Variants in TRPV4 observed in about 807,000 individuals in gnomAD.
TRPV4 encodes the protein OSM9-like transient receptor potential channel 4.
A neutral mutation model predicts 84.1 loss-of-function variants in TRPV4; 58 were observed. That is an observed-to-expected ratio of 0.69 (90% CI 0.56 to 0.86). TRPV4 has a LOEUF of 0.86. TRPV4 is among the 40% of genes least tolerant of loss of function. TRPV4 has a pLI of 0.00. For synonymous variants in TRPV4, 489 were observed against 500.9 expected, an observed-to-expected ratio of 0.98 and a Z score of 0.32; for missense variants, 879 against 1,181.1, an observed-to-expected ratio of 0.74 and a Z score of 3.75.
chr12:109,802,838 G>GCATCCATCCATC (rs111807515), intron 4 of TRPV4, among the ~76,000 whole-genome samples, 153 bp downstream of exon 4: 3 of 151,202 alleles, frequency 2.0e-5, no homozygotes, highest in Admixed American at 6.6e-5. Flanking sequence ...ATGCATCCAT[G>GCATCCATCCATC]CATCCATCCA....
In TRPV4 at chr12:109,793,843, G is replaced by T; in HGVS notation, c.1584+87C>A. 1 of 1,053,470 alleles carries T rather than the reference G, an allele frequency of 9.5e-7. No individual in the cohort carries two copies. Among genetic ancestry groups the T allele is most frequent in the South Asian group, 1.3e-5 (1 of 74,514 alleles). 65.3% of individuals were successfully genotyped at this position (1,053,470 alleles called of 1,614,324 possible). On this transcript the variant is annotated intron_variant, in intron 9 of 15. Transcript: ENST00000261740. The surrounding 1 kb of genome is among the most constrained non-coding windows in gnomAD (Gnocchi z 4.0). ...AAGGAGAAGGACCATTTGGAGGAGA[G>T]AGAAGAGAAAAAGAGGGAGAGAAAA...
intron 4 of TRPV4, 133 bp from the exon 5 acceptor site, chr12:109,800,891 C>T: frequency 1.2e-6 from 1 of 839,276 alleles, no homozygotes; most frequent in South Asian, 1.4e-5. Flanking sequence ...CCCAGCGACA[C>T]CCAAGGGCAG....
intron 7 of TRPV4, among the ~76,000 whole-genome samples, chr12:109,795,833 G>A (rs1342026185): frequency 1.3e-5 from 2 of 151,876 alleles, no homozygotes; most frequent in Non-Finnish European, 2.9e-5. Context: ...CTGAAGCCTC[G>A]ACCTCCCCAG....
At chr12:109,832,746 T>G (rs752750767) in intron 1 of TRPV4, 1 of 152,292 alleles carries the variant, frequency 6.6e-6, no homozygotes, top group Non-Finnish European at 1.5e-5. Context: ...GGTTGGTGTT[T>G]CCAGGCAAGC....
Position 109,783,445 on chromosome 12 carries a change from C to A in TRPV4, c.*176G>T. On this transcript the variant is annotated 3_prime_UTR_variant, in exon 16 of 16. Coordinates refer to ENST00000261740, the MANE Select transcript of TRPV4 (RefSeq NM_021625.5). This position sits in a 1 kb window ranked among gnomAD's most constrained non-coding sequence, Gnocchi z 4.6. ...GACAGGTGGCCGGGAGCCCCCACCC[C>A]AGGGTGGGGAGGCAGAGCCAGGGGA... 1 of 818,562 alleles carries A rather than the reference C, an allele frequency of 1.2e-6. No homozygotes were observed. The allele number at this position is 818,562 out of a possible 1,614,324, so 50.7% of individuals were successfully genotyped here. A position where few individuals can be genotyped will look rare whatever the true frequency, so the allele number is the denominator to read the frequency against.
chr12:109,803,187 G>T lies in TRPV4; in HGVS notation c.560-44C>A, dbSNP rs748926619. On this transcript the variant is annotated intron_variant, in intron 3 of 15. Coordinates refer to ENST00000261740, the MANE Select transcript of TRPV4 (RefSeq NM_021625.5). The stretch of plus-strand genomic sequence containing the variant: ...AAGATGACGCAGTGCTCCAGCCCAT[G>T]ACCTTGAACTTCCAGGCATCGGGGT... 3.1e-6 allele frequency: 5 copies of T among 1,610,214 alleles called. No individual in the cohort carries two copies. The African/African-American group carries it at 5.3e-5, about 17-fold the overall frequency.
At chr12:109,824,779 G>A (rs1393553679) in intron 1 of TRPV4, among the ~76,000 whole-genome samples, 2 of 98,274 alleles carry the variant, frequency 2.0e-5, no homozygotes, top group South Asian at 3.9e-4. Context: ...CCTTAGGCCC[G>A]CCTTCTCTCT....
intron 12 of TRPV4, among the ~76,000 whole-genome samples, 178 bp from the exon 13 acceptor site, chr12:109,788,894 T>C (rs527473315): frequency 1.3e-5 from 2 of 152,360 alleles, no homozygotes; most frequent in South Asian, 4.1e-4. Flanking sequence ...CAGGTCCTCC[T>C]GATCCCAAAA....
rs1223569420 is a variant in TRPV4 at position 109,804,548 on chromosome 12, GT to G, written c.560-1406del. ...ATAGCAGTCTTTGATAAATATTACT[GT>G]TGCTGTTATCAATCCATGAGACGGG... On this transcript the variant is annotated intron_variant, in intron 3 of 15. Coordinates refer to ENST00000261740, the MANE Select transcript of TRPV4 (RefSeq NM_021625.5). 2.6e-5 allele frequency among the ~76,000 whole-genome samples: 4 copies of G among 152,322 alleles called. No homozygotes were observed. In the East Asian group the frequency reaches 7.7e-4, roughly 29 times the overall value.
intron 3 of TRPV4, among the ~76,000 whole-genome samples, chr12:109,806,452 G>A (rs925193103): frequency 8.9e-5 from 13 of 146,296 alleles, no homozygotes; most frequent in Non-Finnish European, 1.8e-4. Flanking sequence ...TGATCCACCC[G>A]CCTCAGCCTC....
chr12:109,789,780 T>C (rs1176247580), intron 12 of TRPV4, among the ~76,000 whole-genome samples: 2 of 152,204 alleles, frequency 1.3e-5, no homozygotes, highest in Non-Finnish European at 2.9e-5. Flanking sequence ...TAGTACCTGG[T>C]GAAACACTGT....
At chr12:109,829,066 G>A (rs969987155) in intron 1 of TRPV4, among the ~76,000 whole-genome samples, 1 of 152,058 alleles carries the variant, frequency 6.6e-6, no homozygotes, top group African/African-American at 2.4e-5. Flanking sequence ...CAACTACTTG[G>A]GAGGCTGAAG....
At chr12:109,797,511 T>C (rs1890480208) in intron 6 of TRPV4, among the ~76,000 whole-genome samples, 1 of 151,498 alleles carries the variant, frequency 6.6e-6, no homozygotes, top group South Asian at 2.1e-4. Context: ...TGGAGTGCAA[T>C]GGCACTATCA....
At chr12:109,807,276 CAAAAA>C (rs200798445) in intron 3 of TRPV4, among the ~76,000 whole-genome samples, 19 of 107,370 alleles carry the variant, frequency 1.8e-4, no homozygotes, top group African/African-American at 5.3e-4. Context: ...AACTCTGTCT[CAAAAA>C]AAAAAAAAAA....
At chr12:109,824,802 C>G (rs1892210039) in intron 1 of TRPV4, among the ~76,000 whole-genome samples, 1 of 152,148 alleles carries the variant, frequency 6.6e-6, no homozygotes, top group African/African-American at 2.4e-5. Flanking sequence ...CCTAGCCCCT[C>G]TCCTAGAGGA....
chr12:109,789,939 G>A (rs899349696), intron 12 of TRPV4, among the ~76,000 whole-genome samples: 52 of 152,326 alleles, frequency 3.4e-4, no homozygotes, highest in Non-Finnish European at 6.5e-4. Flanking sequence ...GAGATCTAGT[G>A]CATCCTATAA....
rs908406423 is a variant in TRPV4, at chr12:109,814,547, C to T, written c.250G>A (p.Asp84Asn). 6.2e-7 allele frequency: 1 copy of T among 1,614,124 alleles called. No individual in the cohort carries two copies. Among genetic ancestry groups the T allele is most frequent in the Non-Finnish European group, 8.5e-7 (1 of 1,179,994 alleles). ...TCATATAGGGTGGACTCCAGCAGAT[C>T]GATGGGGTTGGGCACCCCCTTGCGG... Reference protein sequence around the residue: ...AFRKGVPNPIDLLESTLYESS... With the variant: ...AFRKGVPNPINLLESTLYESS... The change falls in exon 2 of 16, where the codon GAT (aspartate) becomes AAT (asparagine). Residue 84 changes from aspartate (D) to asparagine (N), a missense_variant. Asp to Asn is a conservative substitution (Grantham distance 23). Transcript: ENST00000261740. The surrounding 1 kb of genome is among the most constrained non-coding windows in gnomAD (Gnocchi z 5.4).
At chr12:109,808,594 G>T in intron 2 of TRPV4, 126 bp from the exon 3 acceptor site, 1 of 837,400 alleles carries the variant, frequency 1.2e-6, no homozygotes, top group Non-Finnish European at 1.8e-6. Flanking sequence ...GGAACAGGGT[G>T]AGGTAGTTGG....
rs775270484 is a variant in TRPV4, at chr12:109,808,282, T to A, written c.559+14A>T. 6.2e-7 allele frequency: 1 copy of A among 1,613,966 alleles called. No homozygotes were observed. Among genetic ancestry groups the A allele is most frequent in the South Asian group, 1.1e-5 (1 of 91,026 alleles). On this transcript the variant is annotated intron_variant, in intron 3 of 15. Coordinates refer to ENST00000261740, the MANE Select transcript of TRPV4 (RefSeq NM_021625.5). The stretch of plus-strand genomic sequence containing the variant: ...CTGGCTGTCCCACTGGCTATGCCCA[T>A]CTGGGTGGCTCACCTCGAAACTCCT...
Sources: allele counts gnomAD v4.1 joint callset (sites outside exome capture counted in the v4.1 genomes callset), GRCh38; gene constraint gnomAD v4.1.1; non-coding constraint Gnocchi (gnomAD v3.1); transcripts MANE v1.5; gene names NCBI Gene and HGNC (gene_info 2026-07-23, HGNC 2026-07-21).